CD99L2: variants seen among roughly 807,000 people sequenced by gnomAD.
CD99L2 encodes the protein CD99 molecule like 2.
CD99L2 carries 24 observed loss-of-function variants against 27.3 expected under a neutral mutation model. The observed-to-expected ratio is 0.88, with a 90% CI of 0.64 to 1.24. CD99L2 has a LOEUF of 1.24. Ranked by LOEUF, CD99L2 falls within the 50% of genes most tolerant of loss-of-function variation. The probability of loss-of-function intolerance (pLI) is 0.00; values close to 1 mark genes in which losing one functional copy is unlikely to be tolerated. For synonymous variants in CD99L2, 97 were observed against 87.9 expected (o/e 1.10, Z -0.58); for missense variants, 255 against 221.6 (o/e 1.15, Z -0.96).
chrX:150,772,719 G>A (rs1167189834), intron 9 of CD99L2, among the ~76,000 whole-genome samples: 7 of 112,450 alleles, frequency 6.2e-5, no homozygotes, highest in Non-Finnish European at 1.1e-4. Context: ...GGACTGGCAG[G>A]GGCCATGGCA....
intron 1 of CD99L2, among the ~76,000 whole-genome samples, chrX:150,885,916 A>G (rs1487228717): frequency 1.8e-5 from 2 of 112,444 alleles, no homozygotes; most frequent in Non-Finnish European, 3.8e-5. Flanking sequence ...ATGGAAACTA[A>G]TAAGGGTGAA....
chrX:150,837,409 T>A (rs2046549916), intron 1 of CD99L2, among the ~76,000 whole-genome samples: 1 of 110,780 alleles, frequency 9.0e-6, no homozygotes, highest in African/African-American at 3.3e-5. Context: ...GCCACCACAC[T>A]TGGCTAATTT....
At chrX:150,769,783 T>C (rs1728673379) in intron 10 of CD99L2, among the ~76,000 whole-genome samples, 1 of 108,696 alleles carries the variant, frequency 9.2e-6, no homozygotes, top group African/African-American at 3.2e-5. Context: ...AGTTGGGCAC[T>C]CTAGGCCTGT....
chrX:150,853,317 T>G (rs1363787923), intron 1 of CD99L2, among the ~76,000 whole-genome samples: 2 of 112,152 alleles, frequency 1.8e-5, no homozygotes, highest in African/African-American at 6.5e-5. Flanking sequence ...CTGACATCCA[T>G]GCTGTGTGGT....
chrX:150,870,911 G>A (rs782791004), intron 1 of CD99L2, among the ~76,000 whole-genome samples: 12 of 111,186 alleles, frequency 1.1e-4, no homozygotes, highest in East Asian at 8.5e-4. Context: ...GGGGGAATGC[G>A]AGGAGTGACG....
intron 4 of CD99L2, among the ~76,000 whole-genome samples, chrX:150,805,858 A>G (rs2045985885): frequency 8.9e-6 from 1 of 111,874 alleles, no homozygotes; most frequent in Non-Finnish European, 1.9e-5. Context: ...GAACAAATTA[A>G]TGGTTGTCAG....
intron 1 of CD99L2, among the ~76,000 whole-genome samples, chrX:150,867,979 G>A (rs1603310695): frequency 9.5e-6 from 1 of 104,846 alleles, no homozygotes; most frequent in African/African-American, 3.5e-5. Context: ...CTACTTGGGA[G>A]GCTGAGGCAG....
intron 1 of CD99L2, among the ~76,000 whole-genome samples, chrX:150,878,706 G>A (rs1403158200): frequency 1.8e-5 from 2 of 111,610 alleles, no homozygotes; most frequent in Non-Finnish European, 3.8e-5. Flanking sequence ...TTCAAAACAA[G>A]AGTAATTTTT....
intron 2 of CD99L2, among the ~76,000 whole-genome samples, chrX:150,824,686 A>G (rs187310447): frequency 0.1 from 7,859 of 75,444 alleles, 462 homozygotes; most frequent in African/African-American, 0.23. Flanking sequence ...AAGAAGAAGA[A>G]GAGGAAGAGG....
intron 1 of CD99L2, among the ~76,000 whole-genome samples, chrX:150,888,841 TAGCCCCCAGCCATTTG>T (rs1378993362): frequency 6.3e-5 from 7 of 111,892 alleles, no homozygotes; most frequent in Non-Finnish European, 1.1e-4. Flanking sequence ...CAGATGATTC[TAGCCCCCAGCCATTTG>T]AGTCCTCCTA....
intron 1 of CD99L2, among the ~76,000 whole-genome samples, chrX:150,849,795 C>A (rs1380480779): frequency 9.0e-6 from 1 of 111,720 alleles, no homozygotes; most frequent in African/African-American, 3.3e-5. Flanking sequence ...ATCAGTCTGG[C>A]TCATTCCACA....
chrX:150,852,719 C>T (rs1557421638), intron 1 of CD99L2, among the ~76,000 whole-genome samples: 1 of 110,777 alleles, frequency 9.0e-6, no homozygotes. Flanking sequence ...AGTACATGCT[C>T]TTTCATGACT....
intron 4 of CD99L2, among the ~76,000 whole-genome samples, chrX:150,811,422 C>A (rs1259635447): frequency 2.7e-5 from 3 of 111,623 alleles, no homozygotes; most frequent in African/African-American, 9.8e-5. Flanking sequence ...ATACAAAAAA[C>A]TTCCCCAAAA....
At chrX:150,770,181 C>T in intron 10 of CD99L2, 123 bp downstream of exon 10, 1 of 661,887 alleles carries the variant, frequency 1.5e-6, no homozygotes, top group African/African-American at 2.2e-5. Context: ...CAGGCTTTTG[C>T]TCTGGCCGGA....
In CD99L2 at chrX:150,778,165, G is replaced by T. The variant is rs5970475; in HGVS notation, c.497-683C>A. On this transcript the variant is annotated intron_variant, in intron 7 of 10. Transcript: ENST00000370377. The stretch of plus-strand genomic sequence containing the variant: ...ATCACACACGATAGTACTGCAGAGA[G>T]TTAAATTCACACACGCACACACACA... Among the ~76,000 whole-genome samples, 156 of 110,143 alleles carry T rather than the reference G, an allele frequency of 1.4e-3. 2 individuals carry two copies. The highest frequency in any genetic ancestry group is 4.9e-3 in the African/African-American group (149 of 30,123).
rs782618939 is a variant in CD99L2 at position 150,830,670 on chromosome X, T to C, written c.130+561A>G. Among the ~76,000 whole-genome samples, 4 of 112,025 alleles carry C rather than the reference T, an allele frequency of 3.6e-5. No homozygotes were observed. In the South Asian group the frequency reaches 1.5e-3, roughly 42 times the overall value. On this transcript the variant is annotated intron_variant, in intron 2 of 10. Coordinates refer to ENST00000370377, the MANE Select transcript of CD99L2 (RefSeq NM_031462.4). ...GAAGACAGCCCTTGGAGGCCACTGC[T>C]GATATGTCACACCAGTAGGGGCTAT...
At chrX:150,769,365 A>C (rs2043372808) in intron 10 of CD99L2, among the ~76,000 whole-genome samples, 3 of 112,319 alleles carry the variant, frequency 2.7e-5, no homozygotes, top group Non-Finnish European at 5.6e-5. Context: ...GCGCTGCTGG[A>C]AGGGTTATTT....
At chrX:150,817,884 T>TA (rs1382628280) in intron 2 of CD99L2, among the ~76,000 whole-genome samples, 2 of 110,038 alleles carry the variant, frequency 1.8e-5, no homozygotes, top group African/African-American at 6.6e-5. Flanking sequence ...AAGTTGAAAG[T>TA]AAAAGAATGG....
At chrX:150,822,822 AT>A (rs1371376254) in intron 2 of CD99L2, among the ~76,000 whole-genome samples, 1 of 112,231 alleles carries the variant, frequency 8.9e-6, no homozygotes, top group African/African-American at 3.2e-5. Context: ...TCAATAAATT[AT>A]TTTTTTAAAG....
Sources: gnomAD v4.1 joint callset for allele counts (sites outside exome capture counted in the v4.1 genomes callset) on GRCh38, gnomAD v4.1.1 for gene constraint, MANE v1.5 for transcripts, NCBI Gene and HGNC (gene_info 2026-07-23, HGNC 2026-07-21) for gene names.